MRTFA: variants seen among roughly 807,000 people sequenced by gnomAD.
MRTFA encodes the protein myocardin-related transcription factor A.
A neutral mutation model predicts 83.5 loss-of-function variants in MRTFA; 20 were observed. The observed-to-expected ratio is 0.24, with a 90% confidence interval of 0.17 to 0.35. MRTFA has a LOEUF of 0.35. Among genes scored for constraint, MRTFA ranks in the 10% least tolerant of loss-of-function variants. The probability of loss-of-function intolerance (pLI) is 1.00; values close to 1 mark genes in which losing one functional copy is unlikely to be tolerated. For synonymous variants in MRTFA, 659 were observed against 541.2 expected (o/e 1.22, Z -3.02); for missense variants, 1,200 against 1,224.7 (o/e 0.98, Z 0.30).
At chr22:40,545,857 C>A (rs1489221324) in intron 3 of MRTFA, among the ~76,000 whole-genome samples, 1 of 151,792 alleles carries the variant, frequency 6.6e-6, no homozygotes, top group East Asian at 1.9e-4. Context: ...CCTCAGCCTC[C>A]CAAGTAGCTG....
chr22:40,562,322 C>T (rs2055632144), intron 2 of MRTFA, among the ~76,000 whole-genome samples: 1 of 151,338 alleles, frequency 6.6e-6, no homozygotes, highest in South Asian at 2.1e-4. Flanking sequence ...GGCATATGAA[C>T]AAAGCCATCC....
chr22:40,492,104 C>T (rs73887831), intron 3 of MRTFA, among the ~76,000 whole-genome samples: 3,024 of 152,258 alleles, frequency 0.02, 91 homozygotes, highest in African/African-American at 0.068. Flanking sequence ...TGAATCTTGG[C>T]CTTCTCCTCC....
At chr22:40,438,359 C>T (rs928528755) in intron 4 of MRTFA, among the ~76,000 whole-genome samples, 8 of 152,230 alleles carry the variant, frequency 5.3e-5, no homozygotes, top group African/African-American at 1.9e-4. Context: ...CAGCTAGTTT[C>T]TGTACCACAG....
intron 7 of MRTFA, among the ~76,000 whole-genome samples, chr22:40,428,141 C>T (rs1823609146): frequency 6.6e-6 from 1 of 151,968 alleles, no homozygotes; most frequent in Admixed American, 6.6e-5. Context: ...AATTATCAAG[C>T]CCAAGGAGAG....
chr22:40,520,332 A>G (rs2054843537), intron 3 of MRTFA, among the ~76,000 whole-genome samples: 1 of 152,108 alleles, frequency 6.6e-6, no homozygotes, highest in African/African-American at 2.4e-5. Flanking sequence ...TGTTCTGGAC[A>G]TTTCATTTAA....
intron 1 of MRTFA, among the ~76,000 whole-genome samples, chr22:40,623,280 T>C (rs780205211): frequency 1.1e-4 from 17 of 152,244 alleles, no homozygotes; most frequent in Non-Finnish European, 2.4e-4. Flanking sequence ...AACACGGTGA[T>C]TGATTCTCAA....
At chr22:40,569,056 A>G (rs964550610) in intron 2 of MRTFA, among the ~76,000 whole-genome samples, 1 of 152,240 alleles carries the variant, frequency 6.6e-6, no homozygotes, top group Non-Finnish European at 1.5e-5. Flanking sequence ...TACAATAGGA[A>G]GAGAATTATG....
intron 3 of MRTFA, among the ~76,000 whole-genome samples, chr22:40,504,882 T>C (rs915708725): frequency 6.6e-6 from 1 of 152,336 alleles, no homozygotes; most frequent in Admixed American, 6.5e-5. Context: ...GCTTAAAACT[T>C]ACCTATTCTA....
Position 40,457,477 on chromosome 22 carries a change from A to AGAAAGAAAGAAG in MRTFA, c.307+5732_307+5743dup, listed in dbSNP as rs1380813499. Reference sequence around the variant, plus strand: ...AAGAAAGAAAGAAAGAAAGAAAGAAAGAAAGAAAGAAGGAAAGAAAGAAAG... The same window carrying AGAAAGAAAGAAG: ...AAGAAAGAAAGAAAGAAAGAAAGAAAGAAAGAAAGAAGGAAAGAAAGAAGGAAAGAAAGAAAG... On this transcript the variant is annotated intron_variant, in intron 4 of 14. Transcript: ENST00000355630. Among the ~76,000 whole-genome samples the AGAAAGAAAGAAG allele has an allele frequency of 3.4e-5, 5 of 145,876 alleles. No homozygotes were observed. In the East Asian group the frequency reaches 9.2e-4, roughly 27 times the overall value.
At chr22:40,440,802 G>C (rs916794859) in intron 4 of MRTFA, among the ~76,000 whole-genome samples, 1 of 152,204 alleles carries the variant, frequency 6.6e-6, no homozygotes, top group African/African-American at 2.4e-5. Context: ...ACAATGGGGA[G>C]TCAGATCACC....
intron 3 of MRTFA, among the ~76,000 whole-genome samples, chr22:40,503,813 T>A (rs1176909756): frequency 2.0e-5 from 3 of 152,080 alleles, no homozygotes; most frequent in Admixed American, 6.6e-5. Context: ...TCCCAGCTAC[T>A]CAGGAGGCTG....
Position 40,411,234 on chromosome 22 carries a change from G to A in MRTFA, c.*156C>T, listed in dbSNP as rs550428708. ...CTGCGTGGCACTGAACCAGGAGTAAGGGCTTCTCTGTTCTAGCCTCCCAGG... is the reference window on the plus strand; with the variant it reads ...CTGCGTGGCACTGAACCAGGAGTAAAGGCTTCTCTGTTCTAGCCTCCCAGG... On this transcript the variant is annotated 3_prime_UTR_variant, in exon 15 of 15. Coordinates refer to ENST00000355630, the MANE Select transcript of MRTFA (RefSeq NM_020831.6). 5.1e-6 allele frequency: 4 copies of A among 778,696 alleles called. No individual in the cohort carries two copies. The African/African-American group carries it at 6.9e-5, about 13-fold the overall frequency. 48.2% of individuals were successfully genotyped at this position (778,696 alleles called of 1,614,324 possible). A position where few individuals can be genotyped will look rare whatever the true frequency, so the allele number is the denominator to read the frequency against.
At chr22:40,625,524 A>T (rs1324149135) in intron 1 of MRTFA, among the ~76,000 whole-genome samples, 1 of 152,094 alleles carries the variant, frequency 6.6e-6, no homozygotes, top group Non-Finnish European at 1.5e-5. Context: ...CACGCCTGTA[A>T]TCCATAACTT....
Position 40,552,678 on chromosome 22 carries a change from A to C in MRTFA, c.-21-311T>G, listed in dbSNP as rs963099873. ...GATTGTAAGTTCCTGAGGCCTCCCC[A>C]GCCCTGTGGAACTGTGAATCAATTA... On this transcript the variant is annotated intron_variant, in intron 2 of 14. Coordinates refer to ENST00000355630, the MANE Select transcript of MRTFA (RefSeq NM_020831.6). Among the ~76,000 whole-genome samples the C allele has an allele frequency of 2.0e-5, 3 of 152,232 alleles. No homozygotes were observed. In the South Asian group the frequency reaches 6.2e-4, roughly 32 times the overall value.
intron 3 of MRTFA, among the ~76,000 whole-genome samples, chr22:40,551,808 C>T (rs1479347343): frequency 6.6e-6 from 1 of 152,004 alleles, no homozygotes. Context: ...ACCATTTAAT[C>T]CCTAATTTTA....
chr22:40,628,359 G>A (rs1265764341), intron 1 of MRTFA, among the ~76,000 whole-genome samples: 3 of 152,128 alleles, frequency 2.0e-5, no homozygotes, highest in Non-Finnish European at 2.9e-5. Flanking sequence ...ATGAAGTTCA[G>A]AACTTTGTTT....
intron 2 of MRTFA, among the ~76,000 whole-genome samples, chr22:40,586,158 T>G (rs2056024540): frequency 6.6e-6 from 1 of 151,748 alleles, no homozygotes; most frequent in African/African-American, 2.4e-5. Context: ...TTTTTTTTTA[T>G]CTCCATCAAA....
At chr22:40,463,385 G>A in intron 3 of MRTFA, 99 bp from the exon 4 acceptor site, 1 of 991,078 alleles carries the variant, frequency 1.0e-6, no homozygotes, top group Non-Finnish European at 1.6e-6. Context: ...AAAACAGAAG[G>A]ATGTAGTGTG....
intron 2 of MRTFA, among the ~76,000 whole-genome samples, chr22:40,570,742 A>G (rs1910856526): frequency 6.6e-6 from 1 of 152,006 alleles, no homozygotes; most frequent in Non-Finnish European, 1.5e-5. Flanking sequence ...CAACAAATAC[A>G]GAAAAAAACT....
Sources: allele counts gnomAD v4.1 joint callset (sites outside exome capture counted in the v4.1 genomes callset), GRCh38; gene constraint gnomAD v4.1.1; transcripts MANE v1.5; gene names NCBI Gene and HGNC (gene_info 2026-07-23, HGNC 2026-07-21).